The following PTPRN2 variants were observed in gnomAD, a reference collection of about 807,000 sequenced individuals.
The protein encoded by PTPRN2 is protein tyrosine phosphatase receptor type N2.
A neutral mutation model predicts 118.8 loss-of-function variants in PTPRN2; 74 were observed. The observed-to-expected ratio is 0.62, with a 90% CI of 0.52 to 0.76. PTPRN2 has a LOEUF of 0.76. Ranked by LOEUF, PTPRN2 falls within the 30% of genes least tolerant of loss-of-function variation. The pLI is 0.00. For missense variants in PTPRN2, 1,481 were observed against 1,394.4 expected (o/e 1.06, Z -0.99); for synonymous variants, 641 against 608.0 (o/e 1.05, Z -0.80).
intron 3 of PTPRN2, among the ~76,000 whole-genome samples, chr7:158,230,775 C>A (rs1227646333): frequency 1.3e-5 from 2 of 151,910 alleles, no homozygotes; most frequent in African/African-American, 4.8e-5. Context: ...TGAGGAGTTA[C>A]AAAACAATGA....
intron 9 of PTPRN2, among the ~76,000 whole-genome samples, chr7:158,124,538 C>T (rs1223297659): frequency 6.6e-6 from 1 of 152,198 alleles, no homozygotes; most frequent in African/African-American, 2.4e-5. Flanking sequence ...AGGCCATGGC[C>T]AATGGTTTGG....
Position 157,690,837 on chromosome 7 carries a change from G to C in PTPRN2, c.1789-7900C>G, listed in dbSNP as rs1044423295. Among the ~76,000 whole-genome samples, 1 of 147,730 alleles carries C rather than the reference G, an allele frequency of 6.8e-6. No homozygotes were observed. The highest frequency in any genetic ancestry group is 2.4e-5 in the African/African-American group (1 of 40,824). ...GCGCCGGAGCTCTGCGCGGCCGCTC[G>C]GCCCAGCTCCGCGTGCTCCGCCCCG... On this transcript the variant is annotated intron_variant, in intron 12 of 22. Transcript: ENST00000389418. The surrounding 1 kb of genome is among the most constrained non-coding windows in gnomAD (Gnocchi z 7.1).
intron 11 of PTPRN2, among the ~76,000 whole-genome samples, chr7:157,933,559 T>C (rs1293440812): frequency 6.7e-6 from 1 of 149,342 alleles, no homozygotes; most frequent in Non-Finnish European, 1.5e-5. Context: ...GGTGAGTCAC[T>C]CTGACTGACA....
At chr7:158,220,656 G>A (rs534983275) in intron 3 of PTPRN2, among the ~76,000 whole-genome samples, 3 of 152,036 alleles carry the variant, frequency 2.0e-5, no homozygotes, top group Non-Finnish European at 4.4e-5. Flanking sequence ...TAAGGTTATA[G>A]CTAACCAAGA....
At chr7:158,385,825 T>A (rs1048509187) in intron 2 of PTPRN2, among the ~76,000 whole-genome samples, 1 of 151,740 alleles carries the variant, frequency 6.6e-6, no homozygotes, top group African/African-American at 2.4e-5. Context: ...GGATTTCATC[T>A]CCAGGAAGAG....
intron 9 of PTPRN2, among the ~76,000 whole-genome samples, chr7:158,120,841 G>T (rs1243203629): frequency 6.6e-6 from 1 of 152,154 alleles, no homozygotes; most frequent in African/African-American, 2.4e-5. Flanking sequence ...GAGGCAACAG[G>T]GAAGGGAGCC....
Position 157,674,926 on chromosome 7 carries a change from C to T in PTPRN2, c.2001+7799G>A, listed in dbSNP as rs1443622093. On this transcript the variant is annotated intron_variant, in intron 13 of 22. Transcript: ENST00000389418. This position sits in a 1 kb window ranked among gnomAD's most constrained non-coding sequence, Gnocchi z 4.5. ...CCTTGCCAACAACGATGCCCTCCTC[C>T]CGAGGGACGGTGGCCCCAAGGGGAG... Among the ~76,000 whole-genome samples the T allele has an allele frequency of 7.2e-5, 11 of 152,186 alleles. No homozygotes were observed. The highest frequency in any genetic ancestry group is 7.2e-4 in the Admixed American group (11 of 15,280).
intron 11 of PTPRN2, chr7:158,027,891 G>A (rs1807396226): frequency 6.6e-6 from 1 of 152,182 alleles, no homozygotes; most frequent in Non-Finnish European, 1.5e-5. Flanking sequence ...CCCAAAACTG[G>A]GAGAAGGTCA....
At chr7:157,633,794 G>A (rs774482936) in intron 14 of PTPRN2, among the ~76,000 whole-genome samples, 3 of 152,346 alleles carry the variant, frequency 2.0e-5, no homozygotes, top group African/African-American at 7.2e-5. Flanking sequence ...TGAGGGCAAC[G>A]GTGTCCGGCA....
At chr7:158,480,308 G>A (rs926526162) in intron 2 of PTPRN2, among the ~76,000 whole-genome samples, 9 of 152,092 alleles carry the variant, frequency 5.9e-5, no homozygotes, top group African/African-American at 1.4e-4. Flanking sequence ...TTGTTTTGGG[G>A]CACCATGAAC....
intron 13 of PTPRN2, 135 bp downstream of exon 13, chr7:157,682,590 T>A: frequency 1.1e-6 from 1 of 880,020 alleles, no homozygotes; most frequent in Non-Finnish European, 1.8e-6. Flanking sequence ...AGTTCCAAAC[T>A]GTCCTCATAA....
chr7:158,274,571 CGT>C (rs1424069849), intron 3 of PTPRN2, among the ~76,000 whole-genome samples: 2 of 150,624 alleles, frequency 1.3e-5, no homozygotes, highest in Admixed American at 6.6e-5. Context: ...CGGGATCTAG[CGT>C]GTGTGGACGA....
At chr7:158,413,210 C>T (rs1405802546) in intron 2 of PTPRN2, among the ~76,000 whole-genome samples, 2 of 152,210 alleles carry the variant, frequency 1.3e-5, no homozygotes, top group Admixed American at 6.5e-5. Context: ...TCGTTCCAGA[C>T]CCACAAGAAA....
intron 2 of PTPRN2, among the ~76,000 whole-genome samples, chr7:158,340,626 T>A (rs1261681017): frequency 5.5e-4 from 45 of 81,896 alleles, no homozygotes. Context: ...TCACTCACAC[T>A]CACACTCTAG....
At chr7:158,072,014 A>ATGGAGGTGCTCATGG (rs1811933546) in intron 11 of PTPRN2, among the ~76,000 whole-genome samples, 4 of 62,790 alleles carry the variant, frequency 6.4e-5, no homozygotes, top group South Asian at 7.5e-4. Context: ...TGCTCGTCGT[A>ATGGAGGTGCTCATGG]TGGAGGTGCT....
rs143946566 is a variant in PTPRN2 at position 157,602,954 on chromosome 7, C to A, written c.2418+1048G>T. ...TGCAGGCACCATGTTTGATTAAAGG[C>A]AAATTTGGAATTTTAGTGAGATGTC... On this transcript the variant is annotated intron_variant, in intron 16 of 22. Transcript: ENST00000389418. Among the ~76,000 whole-genome samples, 1,267 of 152,332 alleles carry A rather than the reference C, an allele frequency of 8.3e-3. 22 individuals carry two copies. The highest frequency in any genetic ancestry group is 0.029 in the African/African-American group (1,223 of 41,570).
chr7:158,411,871 G>T (rs528981395), intron 2 of PTPRN2, among the ~76,000 whole-genome samples: 1 of 152,088 alleles, frequency 6.6e-6, no homozygotes, highest in Non-Finnish European at 1.5e-5. Context: ...TTAGGCTGCC[G>T]TGAGGGTGAA....
intron 2 of PTPRN2, among the ~76,000 whole-genome samples, chr7:158,354,105 A>G (rs917997912): frequency 6.6e-6 from 1 of 152,226 alleles, no homozygotes; most frequent in Admixed American, 6.5e-5. Flanking sequence ...TGGGACAGGC[A>G]GCACTTTCAT....
intron 2 of PTPRN2, among the ~76,000 whole-genome samples, chr7:158,421,936 T>A (rs563943184): frequency 6.6e-6 from 1 of 152,352 alleles, no homozygotes; most frequent in East Asian, 1.9e-4. Flanking sequence ...GGGCCCACCT[T>A]CATTTTCAGG....
Sources: allele counts gnomAD v4.1 joint callset (sites outside exome capture counted in the v4.1 genomes callset), GRCh38; gene constraint gnomAD v4.1.1; non-coding constraint Gnocchi (gnomAD v3.1); transcripts MANE v1.5; gene names NCBI Gene and HGNC (gene_info 2026-07-23, HGNC 2026-07-21).